MAPKAP1: variants seen among roughly 807,000 people sequenced by gnomAD.
MAPKAP1 encodes MAPK associated protein 1.
In MAPKAP1, 20 loss-of-function variants were observed where a neutral mutation model predicts 65.7. That is an observed-to-expected ratio of 0.30 (90% CI 0.21 to 0.44). The LOEUF (loss-of-function observed/expected upper bound fraction) is 0.44, where lower values mean the gene tolerates loss of function less well. Ranked by LOEUF, MAPKAP1 falls within the 20% of genes least tolerant of loss-of-function variation. MAPKAP1 has a pLI of 1.00. For synonymous variants in MAPKAP1, 222 were observed against 244.3 expected (o/e 0.91, Z 0.85); for missense variants, 423 against 648.0 (o/e 0.65, Z 3.77).
intron 4 of MAPKAP1, among the ~76,000 whole-genome samples, chr9:125,612,537 ACTGT>A (rs781110304): frequency 1.4e-4 from 22 of 152,200 alleles, no homozygotes; most frequent in Non-Finnish European, 1.9e-4. Context: ...TCCTAAACGC[ACTGT>A]CTATTTCCTG....
At chr9:125,608,832 A>T in intron 4 of MAPKAP1, among the ~76,000 whole-genome samples, 1 of 152,218 alleles carries the variant, frequency 6.6e-6, no homozygotes, top group Non-Finnish European at 1.5e-5. Context: ...TTCCTTTACT[A>T]AAAAACCAAA....
intron 1 of MAPKAP1, among the ~76,000 whole-genome samples, chr9:125,687,920 T>C (rs1307273282): frequency 6.6e-6 from 1 of 152,230 alleles, no homozygotes; most frequent in African/African-American, 2.4e-5. Context: ...ATCAAACTCA[T>C]TAATTCAACT....
chr9:125,547,658 G>C (rs937321021), intron 6 of MAPKAP1, among the ~76,000 whole-genome samples: 9 of 152,282 alleles, frequency 5.9e-5, no homozygotes, highest in East Asian at 3.9e-4. Flanking sequence ...TGCTTATCGG[G>C]GGGTGGGAGT....
At chr9:125,696,203 A>T (rs948992939) in intron 1 of MAPKAP1, 4 of 152,182 alleles carry the variant, frequency 2.6e-5, no homozygotes, top group Non-Finnish European at 5.9e-5. Flanking sequence ...TTGTTAAAAT[A>T]AATTAAAACA....
intron 8 of MAPKAP1, among the ~76,000 whole-genome samples, chr9:125,487,123 G>A (rs1854521566): frequency 6.6e-6 from 1 of 152,116 alleles, no homozygotes; most frequent in Admixed American, 6.5e-5. Flanking sequence ...GGAAGGTGAG[G>A]GTCAAAGAGA....
intron 7 of MAPKAP1, among the ~76,000 whole-genome samples, chr9:125,541,060 TTATGTAAATG>T (rs1466672931): frequency 6.6e-6 from 1 of 152,146 alleles, no homozygotes; most frequent in Non-Finnish European, 1.5e-5. Flanking sequence ...GGACAGTAAT[TTATGTAAATG>T]TATCAATCTC....
At chr9:125,543,412 G>A (rs1055808813) in intron 6 of MAPKAP1, among the ~76,000 whole-genome samples, 3 of 149,426 alleles carry the variant, frequency 2.0e-5, no homozygotes, top group Non-Finnish European at 3.0e-5. Context: ...GACTACAGGC[G>A]CCCGCCACTA....
chr9:125,450,720 C>T (rs1483788749), intron 10 of MAPKAP1, among the ~76,000 whole-genome samples: 2 of 152,126 alleles, frequency 1.3e-5, no homozygotes, highest in Non-Finnish European at 2.9e-5. Flanking sequence ...TCTTCTGGGC[C>T]CTCTGGCCTG....
At chr9:125,532,865 A>G (rs1829971384) in intron 7 of MAPKAP1, among the ~76,000 whole-genome samples, 1 of 152,250 alleles carries the variant, frequency 6.6e-6, no homozygotes, top group African/African-American at 2.4e-5. Flanking sequence ...AGTATTTAAT[A>G]AACATTTAAC....
intron 10 of MAPKAP1, among the ~76,000 whole-genome samples, chr9:125,450,425 T>C (rs1852900887): frequency 6.6e-6 from 1 of 152,232 alleles, no homozygotes; most frequent in Admixed American, 6.5e-5. Context: ...TCAGATTGTA[T>C]ACTAGAAGTT....
intron 9 of MAPKAP1, among the ~76,000 whole-genome samples, chr9:125,475,535 C>A (rs1352865940): frequency 1.3e-5 from 2 of 152,184 alleles, no homozygotes; most frequent in African/African-American, 2.4e-5. Context: ...TCCGAGTGTA[C>A]CTGACTAGAC....
intron 9 of MAPKAP1, among the ~76,000 whole-genome samples, chr9:125,475,796 A>T (rs774573589): frequency 4.3e-4 from 66 of 152,206 alleles, no homozygotes; most frequent in Non-Finnish European, 9.1e-4. Context: ...TGAGCCTATG[A>T]TGTCAGCTAG....
chr9:125,634,331 TA>T (rs913320226), intron 4 of MAPKAP1, among the ~76,000 whole-genome samples: 1 of 152,208 alleles, frequency 6.6e-6, no homozygotes, highest in Non-Finnish European at 1.5e-5. Context: ...ATAAATATAA[TA>T]CAAAGTTCTC....
chr9:125,528,397 C>T (rs1829833390), intron 7 of MAPKAP1, among the ~76,000 whole-genome samples: 1 of 152,224 alleles, frequency 6.6e-6, no homozygotes, highest in Admixed American at 6.5e-5. Flanking sequence ...GTCCACTTCT[C>T]CCTGCCTGCA....
intron 4 of MAPKAP1, among the ~76,000 whole-genome samples, chr9:125,630,912 G>A (rs1365052762): frequency 6.6e-6 from 1 of 150,464 alleles, no homozygotes; most frequent in African/African-American, 2.5e-5. Flanking sequence ...ACAAACAAAG[G>A]GAGACGCCAT....
intron 7 of MAPKAP1, among the ~76,000 whole-genome samples, chr9:125,525,913 T>C (rs2133125744): frequency 6.6e-6 from 1 of 152,276 alleles, no homozygotes; most frequent in Admixed American, 6.5e-5. Context: ...AAGCATGATC[T>C]TCTGATCCGC....
intron 5 of MAPKAP1, chr9:125,568,075 G>A (rs1250586970): frequency 6.6e-6 from 1 of 152,130 alleles, no homozygotes; most frequent in Non-Finnish European, 1.5e-5. Context: ...GGGAGTCAGA[G>A]TCTCTCCTAA....
At chr9:125,666,624 A>G (rs943662712) in intron 3 of MAPKAP1, among the ~76,000 whole-genome samples, 1 of 152,156 alleles carries the variant, frequency 6.6e-6, no homozygotes, top group African/African-American at 2.4e-5. Flanking sequence ...GAGACCCCCA[A>G]TTCTTAAAAG....
intron 1 of MAPKAP1, among the ~76,000 whole-genome samples, chr9:125,698,252 A>G (rs1052732534): frequency 2.2e-4 from 29 of 134,050 alleles, no homozygotes; most frequent in Middle Eastern, 3.6e-3. Flanking sequence ...ATATAAATAT[A>G]TAATTTATAA....
Sources: allele counts gnomAD v4.1 joint callset (sites outside exome capture counted in the v4.1 genomes callset), GRCh38; gene constraint gnomAD v4.1.1; transcripts MANE v1.5; gene names NCBI Gene and HGNC (gene_info 2026-07-23, HGNC 2026-07-21).